DYDC1: variants seen among roughly 807,000 people sequenced by gnomAD.
The protein encoded by DYDC1 is DPY30 domain containing 1.
In DYDC1, 21 loss-of-function variants were observed where a neutral mutation model predicts 27.9. The ratio of observed to expected loss-of-function variants is 0.75; its 90% CI spans 0.53 to 1.08. DYDC1 has a LOEUF of 1.08. Among genes scored for constraint, DYDC1 ranks in the 50% least tolerant of loss-of-function variants. DYDC1 has a pLI of 0.00. For synonymous variants in DYDC1, 67 were observed against 65.8 expected (o/e 1.02, Z -0.09); for missense variants, 202 against 205.9 (o/e 0.98, Z 0.12).
intron 1 of DYDC1, chr10:80,356,184 T>C (rs920838484): frequency 1.1e-6 from 1 of 938,456 alleles, no homozygotes; most frequent in Non-Finnish European, 1.3e-6. Flanking sequence ...TCCCTTAGCA[T>C]GTTCCTGTCT....
chr10:80,347,298 T>C (rs868240898), intron 3 of DYDC1, among the ~76,000 whole-genome samples: 2,108 of 91,540 alleles, frequency 0.023, 107 homozygotes, highest in African/African-American at 0.083. Context: ...TTTTTTTTTT[T>C]TTTTTTTGCT....
chr10:80,351,368 C>T (rs1286695867), intron 3 of DYDC1, among the ~76,000 whole-genome samples: 3 of 151,346 alleles, frequency 2.0e-5, no homozygotes, highest in Non-Finnish European at 4.4e-5. Flanking sequence ...ATGTCACCCA[C>T]TCACTCCTCC....
intron 1 of DYDC1, among the ~76,000 whole-genome samples, chr10:80,354,712 C>T (rs1310657940): frequency 6.6e-6 from 1 of 152,126 alleles, no homozygotes; most frequent in African/African-American, 2.4e-5. Flanking sequence ...GATGGGAGAG[C>T]GTGCTCTCAC....
rs545027064 is a variant in DYDC1 at position 80,349,006 on chromosome 10, C to G, written c.249+2895G>C. 5.3e-5 allele frequency among the ~76,000 whole-genome samples: 8 copies of G among 152,176 alleles called. No homozygotes were observed. The South Asian group carries it at 8.3e-4, about 16-fold the overall frequency. ...TCCTGGGTTCGCGCCATTCTTCCCC[C>G]TCAGTCTCCTGAGTAGCTGGGACTA... On this transcript the variant is annotated intron_variant, in intron 3 of 6. Transcript: ENST00000372202.
intron 4 of DYDC1, 27 bp downstream of exon 4, chr10:80,342,242 A>G: frequency 1.9e-6 from 3 of 1,602,506 alleles, no homozygotes; most frequent in Non-Finnish European, 2.6e-6. Flanking sequence ...TTTAAATAAA[A>G]CTGACATTTA....
At chr10:80,343,317 A>G (rs72815334) in intron 3 of DYDC1, among the ~76,000 whole-genome samples, 3,363 of 152,302 alleles carry the variant, frequency 0.022, 48 homozygotes, top group Non-Finnish European at 0.032. Flanking sequence ...GTGCTGCCAT[A>G]GCAGAGTGTA....
intron 4 of DYDC1, among the ~76,000 whole-genome samples, chr10:80,339,453 A>G (rs1045439601): frequency 3.4e-5 from 5 of 148,696 alleles, no homozygotes; most frequent in African/African-American, 1.3e-4. Flanking sequence ...AAAAAGTGAC[A>G]AAATAAAAAT....
intron 6 of DYDC1, chr10:80,337,940 A>G (rs1435293890): frequency 1.1e-5 from 4 of 359,740 alleles, no homozygotes; most frequent in Admixed American, 6.4e-5. Flanking sequence ...CCCACTAACC[A>G]TGACTATTAA....
Position 80,356,696 on chromosome 10 carries a change from T to C in DYDC1, c.-10+16A>G. ...ACAAATCCCAAAAACAGTTCGGGCC[T>C]TTCCGGTGCGCTCACCCCTACACAC... On this transcript the variant is annotated intron_variant, in intron 1 of 6. Coordinates refer to ENST00000372202, the MANE Select transcript of DYDC1 (RefSeq NM_001269053.2). 1.0e-6 allele frequency: 1 copy of C among 984,580 alleles called. No homozygotes were observed. Among genetic ancestry groups the C allele is most frequent in the Non-Finnish European group, 1.2e-6 (1 of 829,198 alleles). The allele number at this position is 984,580 out of a possible 1,614,324, so 61.0% of individuals were successfully genotyped here.
chr10:80,351,576 CT>C (rs1300635444), intron 3 of DYDC1, among the ~76,000 whole-genome samples: 8 of 152,046 alleles, frequency 5.3e-5, no homozygotes, highest in Non-Finnish European at 1.2e-4. Context: ...TGGTTGACCA[CT>C]CAGATCTCAC....
intron 3 of DYDC1, among the ~76,000 whole-genome samples, chr10:80,351,252 A>G (rs1842955816): frequency 6.6e-6 from 1 of 152,090 alleles, no homozygotes; most frequent in Non-Finnish European, 1.5e-5. Flanking sequence ...CTTTCCCTTG[A>G]TTATAATCAA....
chr10:80,343,700 A>G (rs896688163), intron 3 of DYDC1, among the ~76,000 whole-genome samples: 1 of 152,216 alleles, frequency 6.6e-6, no homozygotes, highest in African/African-American at 2.4e-5. Flanking sequence ...TTGTCATCAA[A>G]TTAAATGGCA....
chr10:80,347,276 CTTTTTTTTTTT>C lies in DYDC1; in HGVS notation c.249+4614_249+4624del, dbSNP rs556362145. On this transcript the variant is annotated intron_variant, in intron 3 of 6. Coordinates refer to ENST00000372202, the MANE Select transcript of DYDC1 (RefSeq NM_001269053.2). ...CTTTGCCCATTTTTTAATTGGGATC[CTTTTTTTTTTT>C]TTTTTTTTTTTTTTTTTTGCTATTG... Among the ~76,000 whole-genome samples, 11 of 90,110 alleles carry C rather than the reference CTTTTTTTTTTT, an allele frequency of 1.2e-4. 1 individual carries two copies. The highest frequency in any genetic ancestry group is 3.5e-4 in the African/African-American group (8 of 22,840). 59.1% of individuals were successfully genotyped at this position (90,110 alleles called of 152,430 possible).
chr10:80,347,276 C>CTTTTTTT (rs556362145), intron 3 of DYDC1, among the ~76,000 whole-genome samples: 22 of 90,120 alleles, frequency 2.4e-4, no homozygotes, highest in Non-Finnish European at 3.6e-4. Context: ...AATTGGGATC[C>CTTTTTTT]TTTTTTTTTT....
At chr10:80,339,042 C>A in intron 5 of DYDC1, 55 bp downstream of exon 5, 1 of 1,008,898 alleles carries the variant, frequency 9.9e-7, no homozygotes, top group Non-Finnish European at 1.4e-6. Context: ...TTAAGCTTTA[C>A]ATTCTAGGAT....
At position 80,352,528 on chromosome 10, in the gene DYDC1, C is replaced by T. The variant is rs368762666; in HGVS notation, c.74G>A (p.Arg25His). ...TQGLAEVARV[R>H]PVDPIEYLAL... ...TAAATATTCTATCGGATCCACTGGG[C>T]GAACTCTTGCCACTTCTGCAAGACC... The change falls in exon 2 of 7, where the codon CGC (arginine) becomes CAC (histidine). Residue 25 changes from arginine (R) to histidine (H), a missense_variant. Transcript: ENST00000372202. The T allele has an allele frequency of 5.1e-5, 83 of 1,613,346 alleles. 1 individual carries two copies. The highest frequency in any genetic ancestry group is 1.6e-4 in the Middle Eastern group (1 of 6,084).
intron 3 of DYDC1, among the ~76,000 whole-genome samples, chr10:80,346,609 C>T (rs1317774941): frequency 5.3e-5 from 8 of 151,520 alleles, no homozygotes; most frequent in African/African-American, 1.5e-4. Context: ...TACAGGCGCC[C>T]GCCACCACGC....
intron 1 of DYDC1, chr10:80,356,214 C>T: frequency 1.0e-6 from 1 of 974,106 alleles, no homozygotes; most frequent in Non-Finnish European, 1.2e-6. Context: ...GGATAATACC[C>T]ATCTCTCCTG....
intron 3 of DYDC1, among the ~76,000 whole-genome samples, chr10:80,347,433 T>C (rs766445003): frequency 5.3e-5 from 8 of 152,152 alleles, no homozygotes; most frequent in Non-Finnish European, 1.0e-4. Flanking sequence ...TTGTTTGCTG[T>C]GCAAGAGCAT....
Sources: allele counts gnomAD v4.1 joint callset (sites outside exome capture counted in the v4.1 genomes callset), GRCh38; gene constraint gnomAD v4.1.1; transcripts MANE v1.5; gene names NCBI Gene and HGNC (gene_info 2026-07-23, HGNC 2026-07-21).